Variants in SPAG16 observed in about 807,000 individuals in gnomAD.
SPAG16 encodes the protein sperm associated antigen 16.
SPAG16 carries 86 observed loss-of-function variants against 80.4 expected under a neutral mutation model. The observed-to-expected ratio is 1.07, with a 90% CI of 0.90 to 1.28. SPAG16 has a LOEUF of 1.28. SPAG16 is among the 50% of genes most tolerant of loss of function. The pLI, the probability that SPAG16 is intolerant of heterozygous loss-of-function variation, is 0.00. For missense variants in SPAG16, 870 were observed against 765.3 expected (o/e 1.14, Z -1.61); for synonymous variants, 294 against 265.9 (o/e 1.11, Z -1.03).
intron 15 of SPAG16, among the ~76,000 whole-genome samples, chr2:214,371,182 T>C (rs996084186): frequency 1.3e-5 from 2 of 152,164 alleles, no homozygotes; most frequent in African/African-American, 4.8e-5. Flanking sequence ...CTAATATATA[T>C]ACTCGACAGG....
chr2:213,900,475 C>T (rs564387690), intron 11 of SPAG16, among the ~76,000 whole-genome samples: 2 of 152,238 alleles, frequency 1.3e-5, no homozygotes, highest in East Asian at 1.9e-4. Flanking sequence ...TTTCTGTCCT[C>T]TCCCTGCAAC....
chr2:214,243,048 A>G (rs1018621704), intron 15 of SPAG16, among the ~76,000 whole-genome samples: 1 of 152,188 alleles, frequency 6.6e-6, no homozygotes, highest in Non-Finnish European at 1.5e-5. Flanking sequence ...AAAATCCTGT[A>G]TAAGAGCCTG....
chr2:213,817,113 A>C (rs2072591236), intron 10 of SPAG16, among the ~76,000 whole-genome samples: 1 of 151,430 alleles, frequency 6.6e-6, no homozygotes, highest in African/African-American at 2.4e-5. Flanking sequence ...ACAGTACACT[A>C]TAATAATAGT....
chr2:214,361,004 A>C (rs936726365), intron 15 of SPAG16, among the ~76,000 whole-genome samples: 2 of 151,692 alleles, frequency 1.3e-5, no homozygotes, highest in African/African-American at 2.4e-5. Flanking sequence ...TGTAGTGTCA[A>C]CTCTAGTCTT....
chr2:213,284,560 C>T lies in SPAG16; in HGVS notation c.77C>T (p.Ala26Val), dbSNP rs370389945. 6.3e-5 allele frequency: 102 copies of T among 1,607,330 alleles called. No homozygotes were observed. The East Asian group carries it at 8.5e-4, about 13-fold the overall frequency. ...GCGTTGGGCATGGGTTTGACGGCAG[C>T]CGGGGACGCGAGGGACACGGCGGAC... is the stretch of plus-strand genomic sequence containing the variant. ...EEALGMGLTA[A>V]GDARDTADAV... The change falls in exon 1 of 16, where the codon GCC (alanine) becomes GTC (valine). Residue 26 changes from alanine (A) to valine (V), a missense_variant. By Grantham distance (64) the Ala-to-Val change is moderately conservative (BLOSUM62 0). Transcript: ENST00000331683.
chr2:213,936,967 A>T (rs1475874551), intron 12 of SPAG16, among the ~76,000 whole-genome samples: 1 of 152,206 alleles, frequency 6.6e-6, no homozygotes, highest in Non-Finnish European at 1.5e-5. Context: ...ATTAAGAAAG[A>T]GGAAATATGA....
At chr2:213,905,238 A>C (rs945686578) in intron 11 of SPAG16, among the ~76,000 whole-genome samples, 2 of 152,198 alleles carry the variant, frequency 1.3e-5, no homozygotes, top group Non-Finnish European at 2.9e-5. Flanking sequence ...TATGTCATGC[A>C]TCTATCCAAA....
chr2:213,444,060 C>T (rs1232836811), intron 9 of SPAG16, among the ~76,000 whole-genome samples: 1 of 152,156 alleles, frequency 6.6e-6, no homozygotes, highest in Admixed American at 6.5e-5. Flanking sequence ...ATAGATCCCC[C>T]TGGAAGTACA....
In SPAG16 at chr2:214,159,693, G is replaced by A. The variant is rs2056360039; in HGVS notation, c.1720+10427G>A. On this transcript the variant is annotated intron_variant, in intron 15 of 15. Coordinates refer to ENST00000331683, the MANE Select transcript of SPAG16 (RefSeq NM_024532.5). ...TTCTCACTTGTTCTATAAGAGAAGT[G>A]TAAATAAAAATTGTTTAAAGTCATC... Among the ~76,000 whole-genome samples, 7 of 152,002 alleles carry A rather than the reference G, an allele frequency of 4.6e-5. No individual in the cohort carries two copies. In the South Asian group the frequency reaches 1.5e-3, roughly 32 times the overall value.
chr2:214,196,458 G>A (rs1025690206), intron 15 of SPAG16, among the ~76,000 whole-genome samples: 3 of 152,050 alleles, frequency 2.0e-5, no homozygotes, highest in South Asian at 2.1e-4. Context: ...CTGTTTAATA[G>A]TTCAGGGATT....
chr2:214,100,066 T>C (rs765694719), intron 13 of SPAG16, among the ~76,000 whole-genome samples: 3 of 151,920 alleles, frequency 2.0e-5, no homozygotes, highest in Non-Finnish European at 2.9e-5. Context: ...GTGGGGGCAG[T>C]GTCCCCCATG....
At chr2:213,689,872 CTTGT>C (rs149037098) in intron 10 of SPAG16, among the ~76,000 whole-genome samples, 3,780 of 152,212 alleles carry the variant, frequency 0.025, 154 homozygotes, top group African/African-American at 0.085. Context: ...TCCAGAAAGA[CTTGT>C]TTATAATTTC....
chr2:214,052,424 A>G (rs1278662595), intron 13 of SPAG16, among the ~76,000 whole-genome samples: 3 of 152,272 alleles, frequency 2.0e-5, no homozygotes, highest in Admixed American at 6.5e-5. Flanking sequence ...AACGAAAGAG[A>G]CACCTTGCCC....
intron 12 of SPAG16, among the ~76,000 whole-genome samples, chr2:213,949,179 T>TTTTTTTTTTTTTTGTTTTTGTTTTG (rs2079613121): frequency 2.8e-4 from 10 of 36,256 alleles, no homozygotes; most frequent in Admixed American, 2.4e-3. Context: ...GTTTTTTTTT[T>TTTTTTTTTTTTTTGTTTTTGTTTTG]TTTTTTTTTT....
intron 12 of SPAG16, among the ~76,000 whole-genome samples, chr2:214,012,631 T>C (rs909195961): frequency 1.3e-5 from 2 of 152,014 alleles, no homozygotes; most frequent in African/African-American, 4.8e-5. Flanking sequence ...TGCATTTATA[T>C]TGACTCCTCT....
At chr2:214,055,828 A>G (rs926755855) in intron 13 of SPAG16, among the ~76,000 whole-genome samples, 11 of 152,138 alleles carry the variant, frequency 7.2e-5, no homozygotes, top group Non-Finnish European at 1.6e-4. Context: ...TATACTACAT[A>G]AAATTCTAAA....
intron 14 of SPAG16, among the ~76,000 whole-genome samples, chr2:214,114,520 C>G (rs1457845570): frequency 6.6e-6 from 1 of 152,194 alleles, no homozygotes; most frequent in Non-Finnish European, 1.5e-5. Flanking sequence ...GATGCCCCTC[C>G]CCCTGCCAGG....
At chr2:213,372,164 TC>T (rs2066677212) in intron 8 of SPAG16, among the ~76,000 whole-genome samples, 1 of 152,244 alleles carries the variant, frequency 6.6e-6, no homozygotes, top group South Asian at 2.1e-4. Flanking sequence ...GCTTATGAAA[TC>T]TACTGGTTTT....
intron 10 of SPAG16, among the ~76,000 whole-genome samples, chr2:213,603,833 G>A (rs1454993558): frequency 6.6e-6 from 1 of 151,658 alleles, no homozygotes; most frequent in Admixed American, 6.6e-5. Flanking sequence ...TGCTTATTTT[G>A]TCACTATCTG....
Sources: allele counts gnomAD v4.1 joint callset (sites outside exome capture counted in the v4.1 genomes callset), GRCh38; gene constraint gnomAD v4.1.1; transcripts MANE v1.5; gene names NCBI Gene and HGNC (gene_info 2026-07-23, HGNC 2026-07-21).